The following P2RY8 variants were observed in gnomAD, a reference collection of about 807,000 sequenced individuals.
The protein encoded by P2RY8 is S-geranylgeranyl-glutathione receptor P2RY8.
In P2RY8, 6 loss-of-function variants were observed where a neutral mutation model predicts 10.0. The ratio of observed to expected loss-of-function variants is 0.60; its 90% CI spans 0.33 to 1.19. P2RY8 has a LOEUF of 1.19. P2RY8 is among the 50% of genes most tolerant of loss of function. P2RY8 has a pLI of 0.04. For missense variants in P2RY8, 456 were observed against 542.0 expected (o/e 0.84, Z 1.58); for synonymous variants, 276 against 252.5 (o/e 1.09, Z -0.88).
intron 1 of P2RY8, among the ~76,000 whole-genome samples, chrX:1,501,171 C>A (rs1299830587): frequency 6.6e-6 from 1 of 152,182 alleles, no homozygotes; most frequent in Non-Finnish European, 1.5e-5. Context: ...TGAACTACGT[C>A]TTGGAAGGAG....
rs767392625 is a variant in P2RY8 at position 1,494,252 on chromosome X, G to A, written c.-24-27670C>T. The A allele has an allele frequency of 2.6e-5, 4 of 152,386 alleles. No individual in the cohort carries two copies. The South Asian group carries it at 8.3e-4, about 32-fold the overall frequency. The allele number at this position is 152,386 out of a possible 1,614,324, so 9.4% of individuals were successfully genotyped here. A position where few individuals can be genotyped will look rare whatever the true frequency, so the allele number is the denominator to read the frequency against. ...AGCTCCGCACAGGAGCAGGAGTGGA[G>A]GGCCAGCTCTCTGCTCTGCTGGGAA... On this transcript the variant is annotated intron_variant, in intron 1 of 1. Transcript: ENST00000381297.
chrX:1,491,237 T>C (rs1310521070), intron 1 of P2RY8, among the ~76,000 whole-genome samples: 4 of 151,792 alleles, frequency 2.6e-5, no homozygotes, highest in Admixed American at 2.6e-4. Context: ...GGGGAATGAA[T>C]GAATGATACC....
chrX:1,469,795 A>G (rs1353627206), intron 1 of P2RY8, among the ~76,000 whole-genome samples: 13 of 152,024 alleles, frequency 8.6e-5, no homozygotes, highest in Non-Finnish European at 1.6e-4. Context: ...GCTACTCGGG[A>G]GGCTGAGGCA....
At chrX:1,484,986 CTTTTTT>C (rs773650240) in intron 1 of P2RY8, among the ~76,000 whole-genome samples, 1,143 of 81,444 alleles carry the variant, frequency 0.014, 5 homozygotes, top group Non-Finnish European at 0.02. Context: ...GTAATAATGT[CTTTTTT>C]TTTTTTTTTT....
intron 1 of P2RY8, among the ~76,000 whole-genome samples, chrX:1,496,336 G>A (rs1164463143): frequency 6.6e-6 from 1 of 152,186 alleles, no homozygotes; most frequent in Non-Finnish European, 1.5e-5. Context: ...TTACAGGGTG[G>A]GAAATGGTTA....
chrX:1,479,093 C>G (rs1399871469), intron 1 of P2RY8, among the ~76,000 whole-genome samples: 1 of 152,240 alleles, frequency 6.6e-6, no homozygotes, highest in African/African-American at 2.4e-5. Flanking sequence ...AGAACACACA[C>G]ACACACTTGT....
Position 1,536,257 on chromosome X carries a change from G to GTTT in P2RY8, c.-25+661_-25+663dup, listed in dbSNP as rs1462782506. Among the ~76,000 whole-genome samples, 3 of 150,120 alleles carry GTTT rather than the reference G, an allele frequency of 2.0e-5. No individual in the cohort carries two copies. The South Asian group carries it at 6.3e-4, about 32-fold the overall frequency. On this transcript the variant is annotated intron_variant, in intron 1 of 1. Coordinates refer to ENST00000381297, the MANE Select transcript of P2RY8 (RefSeq NM_178129.5). ...AAGAGAGGCGCATTTCATGGAATGA[G>GTTT]TTTTTTTTTGTTTTTTTTTTTCTAA...
intron 1 of P2RY8, among the ~76,000 whole-genome samples, chrX:1,497,235 A>G (rs548046526): frequency 0.39 from 54,733 of 139,738 alleles, 12,187 homozygotes; most frequent in Non-Finnish European, 0.5. Context: ...AAAAAAAAAA[A>G]AGAAAAGAAA....
At chrX:1,530,885 CTA>C (rs1322287097) in intron 1 of P2RY8, among the ~76,000 whole-genome samples, 2 of 150,104 alleles carry the variant, frequency 1.3e-5, no homozygotes, top group Non-Finnish European at 3.0e-5. Context: ...TCTCATCTAT[CTA>C]TATATCTCTT....
At position 1,468,479 on chromosome X, in the gene P2RY8, C is replaced by A. The variant is rs780327960; in HGVS notation, c.-24-1897G>T. On this transcript the variant is annotated intron_variant, in intron 1 of 1. Transcript: ENST00000381297. Reference sequence around the variant, plus strand: ...AGACAGCCAGGACTGCTGAGGAACGCGCATGACTAATCAAGAAATTACCTC... The same window carrying A: ...AGACAGCCAGGACTGCTGAGGAACGAGCATGACTAATCAAGAAATTACCTC... 3.9e-5 allele frequency among the ~76,000 whole-genome samples: 6 copies of A among 152,320 alleles called. No homozygotes were observed. The East Asian group carries it at 1.2e-3, about 29-fold the overall frequency.
chrX:1,529,171 A>G (rs189425081), intron 1 of P2RY8, among the ~76,000 whole-genome samples: 2 of 151,892 alleles, frequency 1.3e-5, no homozygotes, highest in African/African-American at 4.8e-5. Context: ...TGACCTGCAC[A>G]GGGAATATCT....
At chrX:1,534,106 AATATATTTACATATATT>A (rs1461900876) in intron 1 of P2RY8, among the ~76,000 whole-genome samples, 1 of 129,390 alleles carries the variant, frequency 7.7e-6, no homozygotes, top group Non-Finnish European at 1.5e-5. Flanking sequence ...ATTTATATAT[AATATATTTACATATATT>A]ATATATTTAT....
At chrX:1,474,547 T>G (rs2091851432) in intron 1 of P2RY8, among the ~76,000 whole-genome samples, 7 of 61,616 alleles carry the variant, frequency 1.1e-4, no homozygotes, top group South Asian at 1.1e-3. Context: ...TGAATAGGTG[T>G]ATGGGTGTGT....
chrX:1,463,620 A>C lies in P2RY8; in HGVS notation c.*1859T>G, dbSNP rs1351118002. The stretch of plus-strand genomic sequence containing the variant: ...CTTATTACCGAATAAAATCTATAAT[A>C]ATTTCAGGTTCTGGGCTTTAAAACA... On this transcript the variant is annotated 3_prime_UTR_variant, in exon 2 of 2. Coordinates refer to ENST00000381297, the MANE Select transcript of P2RY8 (RefSeq NM_178129.5). The C allele has an allele frequency of 2.6e-5, 6 of 232,762 alleles. No individual in the cohort carries two copies. Among genetic ancestry groups the C allele is most frequent in the Admixed American group, 2.3e-4 (4 of 17,744 alleles). 14.4% of individuals were successfully genotyped at this position (232,762 alleles called of 1,614,324 possible).
intron 1 of P2RY8, among the ~76,000 whole-genome samples, chrX:1,507,816 A>C (rs1315763525): frequency 6.6e-6 from 1 of 152,130 alleles, no homozygotes; most frequent in African/African-American, 2.4e-5. Context: ...CAGAAGAGGA[A>C]ATTGAGGTTA....
At chrX:1,474,669 T>C (rs1430563830) in intron 1 of P2RY8, among the ~76,000 whole-genome samples, 1 of 139,650 alleles carries the variant, frequency 7.2e-6, no homozygotes, top group African/African-American at 2.7e-5. Flanking sequence ...GGTGGATGGA[T>C]GGGTGGACAG....
intron 1 of P2RY8, among the ~76,000 whole-genome samples, chrX:1,481,384 G>C (rs1158795512): frequency 6.6e-6 from 1 of 152,150 alleles, no homozygotes; most frequent in Non-Finnish European, 1.5e-5. Context: ...GGCTGGTCTT[G>C]AACTCCCGAC....
chrX:1,476,253 T>C (rs1488227134), intron 1 of P2RY8, among the ~76,000 whole-genome samples: 4 of 152,110 alleles, frequency 2.6e-5, no homozygotes, highest in African/African-American at 9.7e-5. Flanking sequence ...CAGACCTGTT[T>C]GAGCAAGAGT....
chrX:1,523,873 G>C (rs1348918139), intron 1 of P2RY8, among the ~76,000 whole-genome samples: 2 of 152,050 alleles, frequency 1.3e-5, no homozygotes, highest in Admixed American at 6.6e-5. Flanking sequence ...AGTAGAGACA[G>C]GATTTCACTA....
Sources: gnomAD v4.1 joint callset for allele counts (sites outside exome capture counted in the v4.1 genomes callset) on GRCh38, gnomAD v4.1.1 for gene constraint, MANE v1.5 for transcripts, NCBI Gene and HGNC (gene_info 2026-07-23, HGNC 2026-07-21) for gene names.